Variants in NLRC3 observed in about 807,000 individuals in gnomAD.
NLRC3 encodes the protein NLR family CARD domain containing 3, also known as NLR family CARD domain-containing protein 3.
NLRC3 carries 87 observed loss-of-function variants against 91.6 expected under a neutral mutation model. The ratio of observed to expected loss-of-function variants is 0.95; its 90% confidence interval spans 0.80 to 1.14. The LOEUF (loss-of-function observed/expected upper bound fraction) is 1.14. Ranked by LOEUF, NLRC3 falls within the 50% of genes most tolerant of loss-of-function variation. The probability of loss-of-function intolerance (pLI) is 0.00; values close to 1 mark genes in which losing one functional copy is unlikely to be tolerated. For synonymous variants in NLRC3, 694 were observed against 625.3 expected, an observed-to-expected ratio of 1.11 and a Z score of -1.64; for missense variants, 1,577 against 1,418.6, an observed-to-expected ratio of 1.11 and a Z score of -1.79.
rs1467492132 is a variant in NLRC3 at position 3,539,654 on chromosome 16, C to T, written c.*2171G>A. 6.6e-6 allele frequency: 1 copy of T among 152,202 alleles called. No individual in the cohort carries two copies. Among genetic ancestry groups the T allele is most frequent in the Non-Finnish European group, 1.5e-5 (1 of 68,034 alleles). 9.4% of individuals were successfully genotyped at this position (152,202 alleles called of 1,614,324 possible). Reference sequence around the variant, plus strand: ...CAGACAGAGCATCACCTTGAAAGTACTAAAACAGCTGTCAATCTAGAAATC... The same window carrying T: ...CAGACAGAGCATCACCTTGAAAGTATTAAAACAGCTGTCAATCTAGAAATC... On this transcript the variant is annotated 3_prime_UTR_variant, in exon 20 of 20. Transcript: ENST00000359128.
intron 9 of NLRC3, 85 bp downstream of exon 9, chr16:3,554,157 C>T (rs2039163974): frequency 1.9e-6 from 2 of 1,053,122 alleles, no homozygotes; most frequent in African/African-American, 1.6e-5. Context: ...CCCATCCATT[C>T]TTCCTAGCAG....
rs1381307651 is a variant in NLRC3, at chr16:3,563,748, C to T, written c.1189G>A (p.Val397Met). The T allele has an allele frequency of 2.5e-6, 4 of 1,613,442 alleles. No homozygotes were observed. Among genetic ancestry groups the T allele is most frequent in the African/African-American group, 1.3e-5 (1 of 74,954 alleles). The change falls in exon 5 of 20, where the codon GTG becomes ATG. Residue 397 changes from valine (V) to methionine (M), a missense_variant. Transcript: ENST00000359128. ...EQVAHGGRKM[V>M]GTLGRLAFHG... Reference sequence around the variant, plus strand: ...AAGGCCAGACGGCCCAATGTCCCCACCATCTTGCGGCCACCATGGGCCACC... The same window carrying T: ...AAGGCCAGACGGCCCAATGTCCCCATCATCTTGCGGCCACCATGGGCCACC...
intron 6 of NLRC3, among the ~76,000 whole-genome samples, chr16:3,560,134 C>G (rs1381342740): frequency 6.6e-6 from 1 of 151,990 alleles, no homozygotes; most frequent in Non-Finnish European, 1.5e-5. Flanking sequence ...AAGAATTACC[C>G]CTGGCCACAG....
chr16:3,552,340 G>A, intron 9 of NLRC3, 61 bp from the exon 10 acceptor site: 1 of 1,235,562 alleles, frequency 8.1e-7, no homozygotes, highest in Non-Finnish European at 1.2e-6. Context: ...CCAGGCCAAG[G>A]ACGGTTCAGG....
At chr16:3,549,021 C>A in intron 13 of NLRC3, 121 bp downstream of exon 13, 1 of 798,296 alleles carries the variant, frequency 1.3e-6, no homozygotes, top group South Asian at 1.6e-5. Flanking sequence ...CTGGCTGCAC[C>A]CTCCCCAGCC....
chr16:3,575,569 C>G (rs1296734), intron 1 of NLRC3, among the ~76,000 whole-genome samples: 1 of 152,194 alleles, frequency 6.6e-6, no homozygotes, highest in African/African-American at 2.4e-5. Flanking sequence ...CCGGGAGCCT[C>G]CCAGGTAGCA....
intron 16 of NLRC3, chr16:3,543,863 T>C (rs1000015304): frequency 2.9e-6 from 1 of 344,738 alleles, no homozygotes; most frequent in African/African-American, 2.1e-5. Flanking sequence ...TAAACAAAAA[T>C]AACGTCCAGG....
Position 3,548,232 on chromosome 16 carries a change from G to A in NLRC3, c.2688-14C>T. 5 of 1,578,630 alleles carry A rather than the reference G, an allele frequency of 3.2e-6. No individual in the cohort carries two copies. The highest frequency in any genetic ancestry group is 4.3e-6 in the Non-Finnish European group (5 of 1,161,126). On this transcript the variant is annotated splice_polypyrimidine_tract_variant and intron_variant, in intron 14 of 19. Coordinates refer to ENST00000359128, the MANE Select transcript of NLRC3 (RefSeq NM_178844.4). ...TTCCACTGCAGGCTGGGCAGACACA[G>A]ACACATGTGACTATGTGACTATGTG... is the stretch of plus-strand genomic sequence containing the variant.
Position 3,564,507 on chromosome 16 carries a change from T to C in NLRC3, c.430A>G (p.Ile144Val). The change falls in exon 5 of 20, where the codon ATC becomes GTC. Residue 144 changes from isoleucine to valine, a missense_variant. By Grantham distance (29) the Ile-to-Val change is conservative. Coordinates refer to ENST00000359128, the MANE Select transcript of NLRC3 (RefSeq NM_178844.4). The surrounding 1 kb of genome is among the most constrained non-coding windows in gnomAD (Gnocchi z 5.9). ...GTCTTGCCCATGCCGGCCACCCCGA[T>C]AGTGATGGAGACCCGGGGTGGGACA... ...VSVPPRVSIT[I>V]GVAGMGKTTL... The C allele has an allele frequency of 1.9e-6, 3 of 1,612,200 alleles. No individual in the cohort carries two copies. The highest frequency in any genetic ancestry group is 2.5e-6 in the Non-Finnish European group (3 of 1,179,730).
intron 15 of NLRC3, 90 bp downstream of exon 15, chr16:3,548,045 G>C: frequency 6.0e-6 from 5 of 831,504 alleles, no homozygotes; most frequent in Non-Finnish European, 9.9e-6. Context: ...GGGGTCACTG[G>C]ATTGAGCCTC....
At chr16:3,561,906 A>G in intron 5 of NLRC3, 118 bp from the exon 6 acceptor site, 1 of 719,374 alleles carries the variant, frequency 1.4e-6, no homozygotes. Flanking sequence ...CAGCTCTGAG[A>G]TCTGCGCTCA....
intron 15 of NLRC3, among the ~76,000 whole-genome samples, chr16:3,546,344 G>A (rs2038686821): frequency 6.6e-6 from 1 of 151,806 alleles, no homozygotes; most frequent in African/African-American, 2.4e-5. Flanking sequence ...TCACTTAAAG[G>A]TCAGGAGTTC....
rs1371642923 is a variant in NLRC3 at position 3,564,384 on chromosome 16, G to C, written c.553C>G (p.His185Asp). 6.2e-7 allele frequency: 1 copy of C among 1,612,584 alleles called. No individual in the cohort carries two copies. The highest frequency in any genetic ancestry group is 8.5e-7 in the Non-Finnish European group (1 of 1,179,882). ...LPLTFRDLNT[H>D]EKLCADRLIC... ...AGTCGGTCGGCACACAGCTTCTCGT[G>C]GGTGTTGAGATCCCGGAAGGTCAGA... Residue 185 changes from histidine to aspartate, a missense_variant, in exon 5 of 20, where the codon CAC (histidine) becomes GAC (aspartate). Transcript: ENST00000359128. This position sits in a 1 kb window ranked among gnomAD's most constrained non-coding sequence, Gnocchi z 5.9.
Position 3,564,221 on chromosome 16 carries a change from G to A in NLRC3, c.716C>T (p.Pro239Leu). The A allele has an allele frequency of 6.2e-7, 1 of 1,613,290 alleles. No individual in the cohort carries two copies. The highest frequency in any genetic ancestry group is 1.1e-5 in the South Asian group (1 of 91,046). ...DFSNTVACTDPKKEIPVDHLI... is the reference protein window; with the variant it reads ...DFSNTVACTDLKKEIPVDHLI... ...GTGGTCCACCGGGATCTCCTTCTTT[G>A]GGTCCGTGCAGGCCACGGTGTTGGA... The change falls in exon 5 of 20, where the codon CCA becomes CTA. Residue 239 changes from proline to leucine, a missense_variant. Transcript: ENST00000359128. The surrounding 1 kb of genome is among the most constrained non-coding windows in gnomAD (Gnocchi z 5.9).
chr16:3,555,103 G>GAA (rs1428440390), intron 8 of NLRC3, among the ~76,000 whole-genome samples: 5 of 151,994 alleles, frequency 3.3e-5, no homozygotes, highest in Non-Finnish European at 5.9e-5. Context: ...GGTGGCACAT[G>GAA]CCTGTAATCC....
At chr16:3,543,867 G>A (rs1052856795) in intron 16 of NLRC3, 3 of 342,638 alleles carry the variant, frequency 8.8e-6, no homozygotes, top group African/African-American at 4.1e-5. Context: ...CAAAAATAAC[G>A]TCCAGGCCAG....
intron 10 of NLRC3, 88 bp from the exon 11 acceptor site, chr16:3,550,585 G>A: frequency 1.2e-5 from 11 of 930,938 alleles, no homozygotes; most frequent in Non-Finnish European, 1.9e-5. Flanking sequence ...AAGCCCTCCT[G>A]GGAGGGCTGG....
At chr16:3,547,782 C>A (rs1166722647) in intron 15 of NLRC3, among the ~76,000 whole-genome samples, 1 of 150,912 alleles carries the variant, frequency 6.6e-6, no homozygotes, top group Non-Finnish European at 1.5e-5. Flanking sequence ...GATTCTCCTG[C>A]CTCAGCCTCC....
chr16:3,573,225 C>G (rs756819294), intron 1 of NLRC3, among the ~76,000 whole-genome samples: 6 of 150,712 alleles, frequency 4.0e-5, no homozygotes, highest in Non-Finnish European at 8.9e-5. Flanking sequence ...TGAGACCAGC[C>G]TGAGCAACAT....
Sources: allele counts gnomAD v4.1 joint callset (sites outside exome capture counted in the v4.1 genomes callset), GRCh38; gene constraint gnomAD v4.1.1; non-coding constraint Gnocchi (gnomAD v3.1); transcripts MANE v1.5; gene names NCBI Gene and HGNC (gene_info 2026-07-23, HGNC 2026-07-21).